The following BCKDHB variants were observed in gnomAD, a reference collection of about 807,000 sequenced individuals.
BCKDHB encodes branched chain keto acid dehydrogenase E1 subunit beta.
A neutral mutation model predicts 48.5 loss-of-function variants in BCKDHB; 41 were observed. The ratio of observed to expected loss-of-function variants is 0.85; its 90% confidence interval spans 0.66 to 1.10. The LOEUF (loss-of-function observed/expected upper bound fraction) is 1.10, where lower values mean the gene tolerates loss of function less well. BCKDHB is among the 50% of genes least tolerant of loss of function. The probability of loss-of-function intolerance (pLI) is 0.00; values close to 1 mark genes in which losing one functional copy is unlikely to be tolerated. For synonymous variants in BCKDHB, 201 were observed against 174.8 expected (o/e 1.15, Z -1.18); for missense variants, 496 against 494.2 (o/e 1.00, Z -0.03).
the BCKDHB span, among the ~76,000 whole-genome samples, chr6:80,396,209 T>G: frequency 3.9e-5 from 6 of 152,208 alleles, no homozygotes; most frequent in Non-Finnish European, 7.3e-5. Flanking sequence ...GCTTGCACTT[T>G]GTGCCTGGAA....
At chr6:80,196,384 C>T (rs1005900964) in intron 6 of BCKDHB, among the ~76,000 whole-genome samples, 2 of 152,190 alleles carry the variant, frequency 1.3e-5, no homozygotes, top group East Asian at 3.9e-4. Context: ...GCAGTTGTAT[C>T]CTCCGTGATG....
the BCKDHB span, among the ~76,000 whole-genome samples, chr6:80,376,293 C>T: frequency 2.0e-5 from 3 of 152,016 alleles, no homozygotes; most frequent in Non-Finnish European, 4.4e-5. Context: ...TGGGGGAAAG[C>T]TGGCAGACAC....
At chr6:80,322,245 T>C (rs1028147341) in intron 9 of BCKDHB, among the ~76,000 whole-genome samples, 3 of 111,854 alleles carry the variant, frequency 2.7e-5, no homozygotes, top group South Asian at 2.5e-4. Context: ...TTTCTTTTTT[T>C]TTTTTTTTTT....
chr6:80,457,564 A>G, the BCKDHB span, among the ~76,000 whole-genome samples: 3 of 152,150 alleles, frequency 2.0e-5, no homozygotes, highest in African/African-American at 7.2e-5. Flanking sequence ...AGCTATAGCT[A>G]TTGGCTCACT....
intron 6 of BCKDHB, among the ~76,000 whole-genome samples, chr6:80,171,653 A>C (rs976768738): frequency 1.3e-5 from 2 of 152,136 alleles, no homozygotes; most frequent in African/African-American, 4.8e-5. Flanking sequence ...GTTTAACCAC[A>C]TAGTAGGTGC....
chr6:80,177,707 A>C (rs905594639), intron 6 of BCKDHB, among the ~76,000 whole-genome samples: 2 of 152,192 alleles, frequency 1.3e-5, no homozygotes, highest in South Asian at 2.1e-4. Context: ...AGTACTATCA[A>C]GGTAGAGATG....
chr6:80,283,881 C>T (rs962840477), intron 9 of BCKDHB, among the ~76,000 whole-genome samples: 3 of 151,998 alleles, frequency 2.0e-5, no homozygotes, highest in African/African-American at 7.2e-5. Flanking sequence ...GATAATGTAT[C>T]CATAACCTGG....
At chr6:80,246,319 G>A (rs1018216160) in intron 8 of BCKDHB, among the ~76,000 whole-genome samples, 8 of 152,192 alleles carry the variant, frequency 5.3e-5, no homozygotes, top group African/African-American at 1.7e-4. Flanking sequence ...GTCGTCCCTC[G>A]CCTCCCCTAT....
rs1770115782 is a variant in BCKDHB at position 80,344,788 on chromosome 6, TA to T, written c.*985del. On this transcript the variant is annotated 3_prime_UTR_variant, in exon 10 of 10. Coordinates refer to ENST00000320393, the MANE Select transcript of BCKDHB (RefSeq NM_183050.4). ...CAACTTCAACCTTTATTTTTGTATA[TA>T]TTTTTTCAGCTACTTAAACTGTTCA... 6.6e-6 allele frequency: 1 copy of T among 152,222 alleles called. No individual in the cohort carries two copies. Among genetic ancestry groups the T allele is most frequent in the African/African-American group, 2.4e-5 (1 of 41,454 alleles). 9.4% of individuals were successfully genotyped at this position (152,222 alleles called of 1,614,324 possible). A position where few individuals can be genotyped will look rare whatever the true frequency, so the allele number is the denominator to read the frequency against.
intron 3 of BCKDHB, among the ~76,000 whole-genome samples, chr6:80,129,977 T>C (rs1770549379): frequency 6.6e-6 from 1 of 152,238 alleles, no homozygotes; most frequent in Non-Finnish European, 1.5e-5. Flanking sequence ...TGACATATAA[T>C]GAACCATCAC....
At chr6:80,204,658 C>T (rs187967737) in intron 8 of BCKDHB, among the ~76,000 whole-genome samples, 21 of 151,820 alleles carry the variant, frequency 1.4e-4, no homozygotes, top group African/African-American at 3.9e-4. Context: ...ACTTTATTTA[C>T]GTATCTATCT....
At chr6:80,320,124 A>G (rs1013500466) in intron 9 of BCKDHB, among the ~76,000 whole-genome samples, 1 of 152,160 alleles carries the variant, frequency 6.6e-6, no homozygotes, top group Non-Finnish European at 1.5e-5. Context: ...GTTAAATAGG[A>G]TATGTTTACA....
intron 3 of BCKDHB, among the ~76,000 whole-genome samples, chr6:80,140,983 C>G (rs1421382121): frequency 6.6e-6 from 1 of 152,116 alleles, no homozygotes; most frequent in Non-Finnish European, 1.5e-5. Context: ...AATTTCAGCT[C>G]CTGTTATTGG....
chr6:80,433,639 C>G, the BCKDHB span, among the ~76,000 whole-genome samples: 1 of 152,120 alleles, frequency 6.6e-6, no homozygotes, highest in South Asian at 2.1e-4. Flanking sequence ...ACTCGGCTCC[C>G]TGGCTTCAGC....
chr6:80,386,995 G>C, the BCKDHB span, among the ~76,000 whole-genome samples: 4 of 152,184 alleles, frequency 2.6e-5, no homozygotes, highest in Admixed American at 2.0e-4. Flanking sequence ...CCCCCAAGGA[G>C]ACCTCCAGCC....
chr6:80,147,149 G>C (rs187759048), intron 3 of BCKDHB, among the ~76,000 whole-genome samples: 39 of 152,070 alleles, frequency 2.6e-4, no homozygotes, highest in African/African-American at 9.2e-4. Flanking sequence ...CAACAATCCT[G>C]TAAAGTTAGT....
chr6:80,379,697 C>T, the BCKDHB span, among the ~76,000 whole-genome samples: 1 of 151,984 alleles, frequency 6.6e-6, no homozygotes, highest in Non-Finnish European at 1.5e-5. Flanking sequence ...TTAGAAAACC[C>T]TAAAGGCTCC....
At chr6:80,308,269 T>C (rs1767975667) in intron 9 of BCKDHB, among the ~76,000 whole-genome samples, 1 of 152,142 alleles carries the variant, frequency 6.6e-6, no homozygotes, top group African/African-American at 2.4e-5. Flanking sequence ...CATTGTTTCA[T>C]ATTCTTAACT....
chr6:80,433,022 T>C, the BCKDHB span, among the ~76,000 whole-genome samples: 2 of 152,150 alleles, frequency 1.3e-5, no homozygotes, highest in Non-Finnish European at 2.9e-5. Context: ...CTTCCTGTTC[T>C]TTCCTCTGGA....
Sources: gnomAD v4.1 joint callset for allele counts (sites outside exome capture counted in the v4.1 genomes callset) on GRCh38, gnomAD v4.1.1 for gene constraint, MANE v1.5 for transcripts, NCBI Gene and HGNC (gene_info 2026-07-23, HGNC 2026-07-21) for gene names.